ACACA: variants seen among roughly 807,000 people sequenced by gnomAD.
The protein encoded by ACACA is acetyl-CoA carboxylase alpha, also known as acetyl-CoA carboxylase 1.
Under a neutral mutation model 296.1 loss-of-function variants are expected in ACACA, and 103 were observed. The observed-to-expected ratio is 0.35, with a 90% CI of 0.30 to 0.41. The LOEUF is 0.41. Among genes scored for constraint, ACACA ranks in the 10% least tolerant of loss-of-function variants. The probability of loss-of-function intolerance (pLI) is 1.00; values close to 1 mark genes in which losing one functional copy is unlikely to be tolerated. For synonymous variants in ACACA, 953 were observed against 1,038.6 expected, an observed-to-expected ratio of 0.92 and a Z score of 1.58; for missense variants, 1,554 against 2,989.7, an observed-to-expected ratio of 0.52 and a Z score of 11.20.
Position 37,150,727 on chromosome 17 carries a change from T to C in ACACA, c.5568+574A>G, listed in dbSNP as rs1352119448. ...ATGATTGCACCACTGTACTCTAGCC[T>C]GGGTGATAGAGTAAGACTCTGTCTC... On this transcript the variant is annotated intron_variant, in intron 44 of 55. Coordinates refer to ENST00000616317, the MANE Select transcript of ACACA (RefSeq NM_198834.3). Among the ~76,000 whole-genome samples, 5 of 152,062 alleles carry C rather than the reference T, an allele frequency of 3.3e-5. 1 individual carries two copies. The South Asian group carries it at 8.3e-4, about 25-fold the overall frequency.
rs375880674 is a variant in ACACA, at chr17:37,369,647, G to GA, written c.39-29798dup. Among the ~76,000 whole-genome samples the GA allele has an allele frequency of 8.6e-3, 1,243 of 144,064 alleles. 5 individuals are homozygous for GA. The highest frequency in any genetic ancestry group is 0.01 in the Non-Finnish European group (679 of 65,284). 94.5% of individuals were successfully genotyped at this position (144,064 alleles called of 152,430 possible). The stretch of plus-strand genomic sequence containing the variant: ...CAGAGAGAGAGAGACCCCATTTCTA[G>GA]AAAAAAAAAAATAGGCAAAACTCAT... On this transcript the variant is annotated intron_variant, in intron 1 of 55. Transcript: ENST00000616317.
At chr17:37,186,690 G>A (rs939128214) in intron 39 of ACACA, among the ~76,000 whole-genome samples, 2 of 151,990 alleles carry the variant, frequency 1.3e-5, no homozygotes, top group African/African-American at 4.8e-5. Flanking sequence ...CTTCCTTCAG[G>A]GCTTTTAAAA....
intron 42 of ACACA, chr17:37,161,572 T>C (rs1292273852): frequency 4.7e-6 from 3 of 635,480 alleles, no homozygotes; most frequent in Admixed American, 3.0e-5. Context: ...ACCTGTTTTA[T>C]AGATGGAAGA....
intron 3 of ACACA, among the ~76,000 whole-genome samples, chr17:37,302,304 G>A (rs1287245960): frequency 6.6e-6 from 1 of 151,922 alleles, no homozygotes; most frequent in African/African-American, 2.4e-5. Context: ...CCACCTCCCG[G>A]GTTCAAGCGA....
At chr17:37,094,338 T>C (rs1267375950) in intron 54 of ACACA, among the ~76,000 whole-genome samples, 1 of 152,210 alleles carries the variant, frequency 6.6e-6, no homozygotes, top group Non-Finnish European at 1.5e-5. Flanking sequence ...TCTTCAATTT[T>C]CTGTCCCAGA....
chr17:37,240,253 C>T (rs747500561), intron 24 of ACACA, among the ~76,000 whole-genome samples: 1 of 152,196 alleles, frequency 6.6e-6, no homozygotes, highest in African/African-American at 2.4e-5. Flanking sequence ...CAGAAGCACA[C>T]TGGATTCCTA....
chr17:37,221,662 TC>T lies in ACACA; in HGVS notation c.3683+61del, dbSNP rs1051091265. The T allele has an allele frequency of 1.8e-5, 23 of 1,274,306 alleles. No individual in the cohort carries two copies. The African/African-American group carries it at 2.1e-4, about 11-fold the overall frequency. 78.9% of individuals were successfully genotyped at this position (1,274,306 alleles called of 1,614,324 possible). A position where few individuals can be genotyped will look rare whatever the true frequency, so the allele number is the denominator to read the frequency against. ...AACATGGAATTGTCATACACATTAC[TC>T]CCCTTGATTCTCATGGTATACCTCT... On this transcript the variant is annotated intron_variant, in intron 29 of 55. Coordinates refer to ENST00000616317, the MANE Select transcript of ACACA (RefSeq NM_198834.3).
chr17:37,325,716 AGGCAT>A (rs1462663651), intron 3 of ACACA, among the ~76,000 whole-genome samples: 3 of 150,106 alleles, frequency 2.0e-5, no homozygotes, highest in African/African-American at 7.4e-5. Flanking sequence ...CTGGAACTAC[AGGCAT>A]GTGCCATCGT....
chr17:37,299,238 A>G (rs570909584), intron 3 of ACACA: 1 of 1,587,034 alleles, frequency 6.3e-7, no homozygotes. Flanking sequence ...CTGTTTTTTT[A>G]AAGATATATA....
chr17:37,088,088 G>A (rs2072342496), intron 55 of ACACA, among the ~76,000 whole-genome samples: 3 of 152,194 alleles, frequency 2.0e-5, no homozygotes, highest in African/African-American at 7.2e-5. Flanking sequence ...CAGATGTGGT[G>A]CCCTGTGAAG....
At chr17:37,256,260 A>C (rs1056985593) in intron 14 of ACACA, among the ~76,000 whole-genome samples, 6 of 152,144 alleles carry the variant, frequency 3.9e-5, no homozygotes, top group Non-Finnish European at 8.8e-5. Context: ...TCTAGTGTAA[A>C]CCTTTTTCAC....
chr17:37,254,656 G>A (rs1166307042), intron 14 of ACACA, among the ~76,000 whole-genome samples: 2 of 152,070 alleles, frequency 1.3e-5, no homozygotes, highest in Non-Finnish European at 2.9e-5. Flanking sequence ...AGAACCAGTA[G>A]ATAGCAGATA....
chr17:37,242,031 T>C lies in ACACA; in HGVS notation c.2954A>G (p.His985Arg), dbSNP rs1219729297. 1 of 1,613,918 alleles carries C rather than the reference T, an allele frequency of 6.2e-7. No homozygotes were observed. The highest frequency in any genetic ancestry group is 8.5e-7 in the Non-Finnish European group (1 of 1,179,960). Residue 985 changes from histidine (H) to arginine (R), a missense_variant, in exon 23 of 56, where the codon CAT becomes CGT. Coordinates refer to ENST00000616317, the MANE Select transcript of ACACA (RefSeq NM_198834.3). ...AGATTTCCGGTTCAATGTAGCTGCA[T>C]GGCTATCTAGGATGTTTGCAATCTA... is the stretch of plus-strand genomic sequence containing the variant. ...SQQIANILDS[H>R]AATLNRKSER...
At chr17:37,394,557 ACC>A (rs1216566337) in intron 1 of ACACA, among the ~76,000 whole-genome samples, 2 of 151,408 alleles carry the variant, frequency 1.3e-5, no homozygotes, top group Non-Finnish European at 2.9e-5. Flanking sequence ...TTATTAAGCT[ACC>A]ACACTTTGTT....
chr17:37,200,021 T>A, intron 35 of ACACA, 118 bp downstream of exon 35: 1 of 771,664 alleles, frequency 1.3e-6, no homozygotes, highest in Non-Finnish European at 2.1e-6. Flanking sequence ...TATAATAATT[T>A]CTAAAAGAAG....
intron 1 of ACACA, among the ~76,000 whole-genome samples, chr17:37,353,401 G>A (rs191274144): frequency 6.6e-6 from 1 of 152,056 alleles, no homozygotes; most frequent in African/African-American, 2.4e-5. Flanking sequence ...AGCACTTTGG[G>A]AGGCCAAGGC....
At chr17:37,092,273 C>CA (rs34799022) in intron 54 of ACACA, among the ~76,000 whole-genome samples, 41,321 of 104,528 alleles carry the variant, frequency 0.4, 7,837 homozygotes, top group African/African-American at 0.61. Flanking sequence ...TAGAGTGAGA[C>CA]AAAAAAAAAA....
chr17:37,303,857 CA>C (rs200942566), intron 3 of ACACA, among the ~76,000 whole-genome samples: 1 of 151,702 alleles, frequency 6.6e-6, no homozygotes, highest in African/African-American at 2.4e-5. Context: ...GACTCCGTCT[CA>C]AAAAAAAGAA....
chr17:37,352,161 G>A (rs1490551972), intron 1 of ACACA, among the ~76,000 whole-genome samples: 1 of 149,734 alleles, frequency 6.7e-6, no homozygotes, highest in Non-Finnish European at 1.5e-5. Flanking sequence ...CTTGTGATCT[G>A]CCCACCTCAG....
Sources: allele counts gnomAD v4.1 joint callset (sites outside exome capture counted in the v4.1 genomes callset), GRCh38; gene constraint gnomAD v4.1.1; transcripts MANE v1.5; gene names NCBI Gene and HGNC (gene_info 2026-07-23, HGNC 2026-07-21).